The following ANO4 variants were observed in gnomAD, a reference collection of about 807,000 sequenced individuals.
ANO4 encodes anoctamin 4, also known as anoctamin-4.
A neutral mutation model predicts 141.9 loss-of-function variants in ANO4; 69 were observed. The observed-to-expected ratio is 0.49, with a 90% CI of 0.40 to 0.59. ANO4 has a LOEUF of 0.59. Ranked by LOEUF, ANO4 falls within the 20% of genes least tolerant of loss-of-function variation. The pLI is 0.00. For synonymous variants in ANO4, 350 were observed against 394.3 expected (o/e 0.89, Z 1.33); for missense variants, 894 against 1,162.2 (o/e 0.77, Z 3.36).
At chr12:101,108,216 G>A (rs909267996) in intron 22 of ANO4, among the ~76,000 whole-genome samples, 10 of 152,078 alleles carry the variant, frequency 6.6e-5, no homozygotes, top group African/African-American at 2.4e-4. Flanking sequence ...GAGAAGGCAG[G>A]AGAAAAATAA....
intron 1 of ANO4, among the ~76,000 whole-genome samples, chr12:100,846,408 TAATAA>T (rs2037562209): frequency 6.6e-6 from 1 of 152,212 alleles, no homozygotes; most frequent in South Asian, 2.1e-4. Flanking sequence ...TTGAAAAACT[TAATAA>T]AATATCACTC....
intron 5 of ANO4, among the ~76,000 whole-genome samples, chr12:100,957,046 T>C (rs1481824974): frequency 6.6e-6 from 1 of 152,252 alleles, no homozygotes; most frequent in African/African-American, 2.4e-5. Flanking sequence ...ACTGAAACTT[T>C]CTTTGAATGA....
chr12:100,988,889 G>GA lies in ANO4; in HGVS notation c.734+1222dup, dbSNP rs57790317. Among the ~76,000 whole-genome samples, 126 of 78,772 alleles carry GA rather than the reference G, an allele frequency of 1.6e-3. 5 individuals carry two copies. The highest frequency in any genetic ancestry group is 5.0e-3 in the African/African-American group (113 of 22,826). 51.7% of individuals were successfully genotyped at this position (78,772 alleles called of 152,430 possible). A position where few individuals can be genotyped will look rare whatever the true frequency, so the allele number is the denominator to read the frequency against. ...CTGTCTCAGAAAAAAAAAAAAAAAAGAAAGAAAAACAAAAAACGAAGGTAA... is the reference window on the plus strand; with the variant it reads ...CTGTCTCAGAAAAAAAAAAAAAAAAGAAAAGAAAAACAAAAAACGAAGGTAA... On this transcript the variant is annotated intron_variant, in intron 8 of 27. Coordinates refer to ENST00000392977, the MANE Select transcript of ANO4 (RefSeq NM_001286615.2).
intron 4 of ANO4, among the ~76,000 whole-genome samples, chr12:100,940,987 C>T (rs545136254): frequency 6.6e-6 from 1 of 152,052 alleles, no homozygotes; most frequent in East Asian, 1.9e-4. Context: ...AAAATGAACA[C>T]CTGGAACCAC....
chr12:100,976,229 G>C (rs2044186390), intron 7 of ANO4, among the ~76,000 whole-genome samples: 1 of 152,124 alleles, frequency 6.6e-6, no homozygotes, highest in Non-Finnish European at 1.5e-5. Context: ...TTAGAATTCA[G>C]GTTCCCTCTG....
At chr12:101,023,605 G>A (rs536537080) in intron 9 of ANO4, among the ~76,000 whole-genome samples, 5 of 152,240 alleles carry the variant, frequency 3.3e-5, no homozygotes, top group African/African-American at 4.8e-5. Context: ...AGGTCAAGGC[G>A]GCAGTGAGCT....
intron 1 of ANO4, among the ~76,000 whole-genome samples, chr12:100,843,212 C>T (rs921225587): frequency 2.0e-5 from 3 of 152,092 alleles, no homozygotes; most frequent in African/African-American, 7.2e-5. Flanking sequence ...TAGGAATGTG[C>T]TTGGTATATT....
intron 3 of ANO4, among the ~76,000 whole-genome samples, chr12:100,760,598 G>T (rs1486946299): frequency 3.9e-5 from 6 of 152,196 alleles, no homozygotes. Flanking sequence ...TTAGAAATCT[G>T]TGGATATAAA....
At chr12:100,721,983 G>GCCTGA (rs969001756) in intron 1 of ANO4, among the ~76,000 whole-genome samples, 3 of 151,840 alleles carry the variant, frequency 2.0e-5, no homozygotes, top group African/African-American at 7.3e-5. Flanking sequence ...ACCACGCCTG[G>GCCTGA]CCTGACCTTG....
intron 24 of ANO4, among the ~76,000 whole-genome samples, chr12:101,115,117 T>C (rs1439705555): frequency 6.6e-6 from 1 of 152,202 alleles, no homozygotes; most frequent in East Asian, 1.9e-4. Context: ...TCATGATTTA[T>C]TCATTCAATC....
intron 25 of ANO4, among the ~76,000 whole-genome samples, chr12:101,117,832 A>G (rs2050915805): frequency 6.6e-6 from 1 of 152,176 alleles, no homozygotes; most frequent in Non-Finnish European, 1.5e-5. Context: ...GTAATGATCC[A>G]CTTCAGTCCC....
intron 22 of ANO4, among the ~76,000 whole-genome samples, chr12:101,105,729 T>G (rs1395584337): frequency 1.3e-5 from 2 of 152,200 alleles, no homozygotes; most frequent in African/African-American, 4.8e-5. Context: ...CAAAAATGAT[T>G]GAAAAATTAA....
intron 1 of ANO4, among the ~76,000 whole-genome samples, chr12:100,869,858 A>G (rs4616098): frequency 6.6e-6 from 1 of 150,482 alleles, no homozygotes; most frequent in Non-Finnish European, 1.5e-5. Flanking sequence ...TGCCTCTGCC[A>G]CTGACCTCCC....
chr12:101,082,114 A>G lies in ANO4; in HGVS notation c.1396-1564A>G, dbSNP rs995520201. ...TTTAGTTGTAGCTCCCATAATCCCC[A>G]TGTGTTGGGGGTTGGACCTGGTGGG... is the stretch of plus-strand genomic sequence containing the variant. On this transcript the variant is annotated intron_variant, in intron 15 of 27. Transcript: ENST00000392977. Among the ~76,000 whole-genome samples, 5 of 152,082 alleles carry G rather than the reference A, an allele frequency of 3.3e-5. No homozygotes were observed. In the South Asian group the frequency reaches 8.3e-4, roughly 25 times the overall value.
intron 3 of ANO4, among the ~76,000 whole-genome samples, chr12:100,781,003 T>C (rs2033695254): frequency 6.6e-6 from 1 of 152,214 alleles, no homozygotes; most frequent in Admixed American, 6.5e-5. Context: ...CAAAATCTAA[T>C]TCTCATAAAT....
intron 1 of ANO4, among the ~76,000 whole-genome samples, chr12:100,888,987 G>A (rs1383302504): frequency 2.0e-5 from 3 of 150,612 alleles, no homozygotes; most frequent in African/African-American, 2.4e-5. Context: ...CCATTAACTC[G>A]TCATTTAGCA....
intron 1 of ANO4, among the ~76,000 whole-genome samples, chr12:100,798,790 G>A (rs2034503896): frequency 1.3e-5 from 2 of 152,226 alleles, no homozygotes; most frequent in Admixed American, 1.3e-4. Context: ...TCTTAAGTCT[G>A]AAGAGCGAAG....
chr12:101,066,338 G>T (rs1356747704), intron 14 of ANO4, among the ~76,000 whole-genome samples: 1 of 152,146 alleles, frequency 6.6e-6, no homozygotes, highest in Admixed American at 6.5e-5. Context: ...GTTTACAGAT[G>T]ATATGATTTT....
chr12:101,120,676 T>C (rs775455301), intron 26 of ANO4, 51 bp downstream of exon 26: 1 of 1,422,962 alleles, frequency 7.0e-7, no homozygotes, highest in South Asian at 1.2e-5. Context: ...ATGAAGTCAG[T>C]AGGAGTAATG....
Sources: gnomAD v4.1 joint callset for allele counts (sites outside exome capture counted in the v4.1 genomes callset) on GRCh38, gnomAD v4.1.1 for gene constraint, MANE v1.5 for transcripts, NCBI Gene and HGNC (gene_info 2026-07-23, HGNC 2026-07-21) for gene names.